The following PEAK1 variants were observed in gnomAD, a reference collection of about 807,000 sequenced individuals.
The protein encoded by PEAK1 is pseudopodium enriched atypical kinase 1, also known as inactive tyrosine-protein kinase PEAK1.
A neutral mutation model predicts 124.7 loss-of-function variants in PEAK1; 54 were observed. The observed-to-expected ratio is 0.43, with a 90% CI of 0.35 to 0.54. The LOEUF (loss-of-function observed/expected upper bound fraction) is 0.54. Ranked by LOEUF, PEAK1 falls within the 20% of genes least tolerant of loss-of-function variation. The pLI is 0.01. For missense variants in PEAK1, 2,046 were observed against 2,134.5 expected (o/e 0.96, Z 0.82); for synonymous variants, 719 against 760.0 (o/e 0.95, Z 0.89).
intron 8 of PEAK1, among the ~76,000 whole-genome samples, chr15:77,140,031 C>T (rs2152751462): frequency 6.6e-6 from 1 of 152,078 alleles, no homozygotes; most frequent in South Asian, 2.1e-4. Flanking sequence ...TAAATATTTA[C>T]TACTGAAAGA....
chr15:77,203,300 G>A (rs889639203), intron 6 of PEAK1, among the ~76,000 whole-genome samples: 10 of 151,946 alleles, frequency 6.6e-5, no homozygotes, highest in African/African-American at 2.4e-4. Context: ...CGTTCAAACT[G>A]GTATTGTTCA....
intron 1 of PEAK1, among the ~76,000 whole-genome samples, chr15:77,383,456 T>A (rs993820764): frequency 4.6e-5 from 7 of 152,192 alleles, no homozygotes; most frequent in African/African-American, 1.7e-4. Context: ...TTAGGTAGGA[T>A]AACTGTTAAA....
chr15:77,147,785 T>C (rs545417655), intron 8 of PEAK1, among the ~76,000 whole-genome samples: 2 of 152,296 alleles, frequency 1.3e-5, no homozygotes, highest in Admixed American at 6.5e-5. Flanking sequence ...AAGACCAATG[T>C]GATTTTTGTG....
chr15:77,399,384 T>C (rs549104035), intron 1 of PEAK1, among the ~76,000 whole-genome samples: 96 of 151,976 alleles, frequency 6.3e-4, no homozygotes, highest in Admixed American at 2.5e-3. Context: ...AAAAAGAACA[T>C]AACTGGAGGA....
Position 77,147,689 on chromosome 15 carries a change from T to A in PEAK1, c.3331+10814A>T, listed in dbSNP as rs574974789. The stretch of plus-strand genomic sequence containing the variant: ...TCAGTTAAGGTGTTACAGATCAGAG[T>A]TCATTAAGTGATCTTATATGATCAC... On this transcript the variant is annotated intron_variant, in intron 8 of 9. Transcript: ENST00000682557. Among the ~76,000 whole-genome samples the A allele has an allele frequency of 2.0e-5, 3 of 152,248 alleles. No homozygotes were observed. The South Asian group carries it at 6.2e-4, about 32-fold the overall frequency.
intron 1 of PEAK1, chr15:77,418,893 G>A: frequency 1.0e-6 from 1 of 985,254 alleles, no homozygotes; most frequent in Non-Finnish European, 1.2e-6. Flanking sequence ...AATCCTCAAG[G>A]CAATCCCAAT....
At chr15:77,224,106 C>T (rs534053917) in intron 6 of PEAK1, among the ~76,000 whole-genome samples, 1 of 151,394 alleles carries the variant, frequency 6.6e-6, no homozygotes, top group South Asian at 2.1e-4. Context: ...AATCAAAATC[C>T]TCAAAATGTT....
chr15:77,174,283 G>A (rs954107713), intron 7 of PEAK1, among the ~76,000 whole-genome samples: 8 of 151,884 alleles, frequency 5.3e-5, no homozygotes, highest in African/African-American at 1.2e-4. Flanking sequence ...GTATTTTTTC[G>A]TTTTTCATTC....
At chr15:77,265,282 G>C (rs1470359805) in intron 5 of PEAK1, among the ~76,000 whole-genome samples, 1 of 152,104 alleles carries the variant, frequency 6.6e-6, no homozygotes, top group Non-Finnish European at 1.5e-5. Context: ...AAGAGCTTCT[G>C]CACAGCAAAA....
intron 1 of PEAK1, among the ~76,000 whole-genome samples, chr15:77,410,245 T>C (rs530438397): frequency 3.9e-5 from 6 of 152,040 alleles, no homozygotes; most frequent in African/African-American, 1.2e-4. Context: ...GTGATTCTCC[T>C]ACCTCAGCCT....
chr15:77,407,968 T>C (rs1182696467), intron 1 of PEAK1, among the ~76,000 whole-genome samples: 1 of 146,332 alleles, frequency 6.8e-6, no homozygotes, highest in Non-Finnish European at 1.5e-5. Flanking sequence ...TATATACACA[T>C]ATATACACAC....
At chr15:77,359,396 C>T (rs1040938623) in intron 2 of PEAK1, among the ~76,000 whole-genome samples, 1 of 151,170 alleles carries the variant, frequency 6.6e-6, no homozygotes. Context: ...GCCATGTTCA[C>T]ACCACTACAC....
chr15:77,185,253 CA>C (rs1272846943), intron 6 of PEAK1, among the ~76,000 whole-genome samples: 2 of 152,188 alleles, frequency 1.3e-5, no homozygotes, highest in African/African-American at 4.8e-5. Context: ...ACCCTGCATA[CA>C]AGACAGTATA....
chr15:77,397,792 G>A (rs2071017561), intron 1 of PEAK1, among the ~76,000 whole-genome samples: 1 of 152,140 alleles, frequency 6.6e-6, no homozygotes, highest in South Asian at 2.1e-4. Flanking sequence ...AGGTGCAGTG[G>A]CTCATGCCTG....
In PEAK1 at chr15:77,112,900, A is replaced by G. The variant is rs2051070446; in HGVS notation, c.*1256T>C. 1 of 152,256 alleles carries G rather than the reference A, an allele frequency of 6.6e-6. No homozygotes were observed. The highest frequency in any genetic ancestry group is 1.5e-5 in the Non-Finnish European group (1 of 68,056). 9.4% of individuals were successfully genotyped at this position (152,256 alleles called of 1,614,324 possible). ...CTGCACACATGGTGAACAGCTCTCAATCACCCACCTCAGCAATCAGAATTC... is the reference window on the plus strand; with the variant it reads ...CTGCACACATGGTGAACAGCTCTCAGTCACCCACCTCAGCAATCAGAATTC... On this transcript the variant is annotated 3_prime_UTR_variant, in exon 10 of 10. Coordinates refer to ENST00000682557, the MANE Select transcript of PEAK1 (RefSeq NM_001385026.1).
intron 2 of PEAK1, among the ~76,000 whole-genome samples, chr15:77,307,968 A>G (rs762340354): frequency 6.6e-5 from 10 of 152,080 alleles, no homozygotes; most frequent in Admixed American, 1.3e-4. Context: ...GGGAATTCTG[A>G]GGATACTTTT....
intron 2 of PEAK1, among the ~76,000 whole-genome samples, chr15:77,320,622 C>T (rs776781670): frequency 1.3e-5 from 2 of 152,152 alleles, no homozygotes; most frequent in Non-Finnish European, 2.9e-5. Context: ...TCACATTTCT[C>T]TGTGCCAAAG....
Position 77,108,536 on chromosome 15 carries a change from G to T in PEAK1, c.*5620C>A, listed in dbSNP as rs1031530429. ...TACATCACACTCTTTAGTTCTAACT[G>T]GTAAAGGAAGGGATAACCAAGTAGT... On this transcript the variant is annotated 3_prime_UTR_variant, in exon 10 of 10. Coordinates refer to ENST00000682557, the MANE Select transcript of PEAK1 (RefSeq NM_001385026.1). The T allele has an allele frequency of 6.6e-6, 1 of 152,146 alleles. No homozygotes were observed. Among genetic ancestry groups the T allele is most frequent in the Non-Finnish European group, 1.5e-5 (1 of 68,022 alleles). 9.4% of individuals were successfully genotyped at this position (152,146 alleles called of 1,614,324 possible). A position where few individuals can be genotyped will look rare whatever the true frequency, so the allele number is the denominator to read the frequency against.
chr15:77,118,924 A>G (rs1029399732), intron 9 of PEAK1, among the ~76,000 whole-genome samples: 6 of 102,538 alleles, frequency 5.9e-5, no homozygotes, highest in Non-Finnish European at 5.0e-5. Context: ...TGCTGTCTAT[A>G]TTTTCTGAAA....
Sources: gnomAD v4.1 joint callset for allele counts (sites outside exome capture counted in the v4.1 genomes callset) on GRCh38, gnomAD v4.1.1 for gene constraint, MANE v1.5 for transcripts, NCBI Gene and HGNC (gene_info 2026-07-23, HGNC 2026-07-21) for gene names.